The following SIRT5 variants were observed in gnomAD, a reference collection of about 807,000 sequenced individuals.
SIRT5 encodes sirtuin 5.
Under a neutral mutation model 40.0 loss-of-function variants are expected in SIRT5, and 26 were observed. That is an observed-to-expected ratio of 0.65 (90% CI 0.48 to 0.90). The LOEUF is 0.90. Among genes scored for constraint, SIRT5 ranks in the 40% least tolerant of loss-of-function variants. The pLI is 0.00. For synonymous variants in SIRT5, 146 were observed against 149.1 expected, an observed-to-expected ratio of 0.98 and a Z score of 0.15; for missense variants, 401 against 402.4, an observed-to-expected ratio of 1.00 and a Z score of 0.03.
intron 2 of SIRT5, among the ~76,000 whole-genome samples, chr6:13,580,442 C>A (rs1171339485): frequency 6.6e-6 from 1 of 152,058 alleles, no homozygotes; most frequent in African/African-American, 2.4e-5. Context: ...TTTCTCTGCT[C>A]CCCCTTACTC....
intron 7 of SIRT5, 90 bp downstream of exon 7, chr6:13,597,106 A>G (rs1761657873): frequency 2.0e-6 from 2 of 993,756 alleles, no homozygotes; most frequent in Non-Finnish European, 3.0e-6. Flanking sequence ...GTATTTGGCA[A>G]GACGCCTCTT....
rs923340206 is a variant in SIRT5, at chr6:13,607,311, CTG to C, written c.858-4477_858-4476del. Among the ~76,000 whole-genome samples, 1 of 151,308 alleles carries C rather than the reference CTG, an allele frequency of 6.6e-6. No homozygotes were observed. Among genetic ancestry groups the C allele is most frequent in the African/African-American group, 2.4e-5 (1 of 41,226 alleles). On this transcript the variant is annotated intron_variant, in intron 9 of 9. Coordinates refer to ENST00000606117, the MANE Select transcript of SIRT5 (RefSeq NM_012241.5). This position sits in a 1 kb window ranked among gnomAD's most constrained non-coding sequence, Gnocchi z 4.0. ...ACAACTTCTGGTTTTTGATATTTGT[CTG>C]TTTTTTTTTTTTCTTTTAAAGGAGA...
intron 9 of SIRT5, chr6:13,605,298 G>A: frequency 1.2e-6 from 1 of 824,360 alleles, no homozygotes; most frequent in South Asian, 5.6e-5. Flanking sequence ...GCATTAGGAT[G>A]ACAGAGGTGA....
intron 3 of SIRT5, among the ~76,000 whole-genome samples, chr6:13,585,961 T>A (rs2127632134): frequency 6.6e-6 from 1 of 152,342 alleles, no homozygotes; most frequent in Admixed American, 6.5e-5. Flanking sequence ...GGTATCTCAC[T>A]GTGGTTTTGA....
At position 13,595,546 on chromosome 6, in the gene SIRT5, C is replaced by T. The variant is rs1761461785; in HGVS notation, c.545C>T (p.Pro182Leu). The change falls in exon 6 of 10, where the codon CCA (proline) becomes CTA (leucine). Residue 182 changes from proline (P) to leucine (L), a missense_variant. By Grantham distance (98) the Pro-to-Leu change is moderately conservative. Coordinates refer to ENST00000606117, the MANE Select transcript of SIRT5 (RefSeq NM_012241.5). ...GAGAATTACAAGAGTCCAATTTGTC[C>T]AGCTTTATCAGGAAAAGGGTAATTA... ...VAENYKSPIC[P>L]ALSGKGAPEP... The T allele has an allele frequency of 4.3e-6, 7 of 1,613,442 alleles. No individual in the cohort carries two copies. In the East Asian group the frequency reaches 1.6e-4, roughly 36 times the overall value.
At chr6:13,608,529 T>A (rs1264555920) in intron 9 of SIRT5, among the ~76,000 whole-genome samples, 1 of 150,418 alleles carries the variant, frequency 6.6e-6, no homozygotes, top group Middle Eastern at 3.5e-3. Flanking sequence ...GAAGTTGCAG[T>A]GAGCCAAGAT....
intron 3 of SIRT5, 71 bp downstream of exon 3, chr6:13,584,296 G>A: frequency 2.7e-6 from 3 of 1,102,460 alleles, no homozygotes; most frequent in East Asian, 2.4e-5. Context: ...ACTTCGAGAG[G>A]AATGTCTCTG....
chr6:13,581,843 G>A (rs1173486470), intron 2 of SIRT5, among the ~76,000 whole-genome samples: 2 of 152,120 alleles, frequency 1.3e-5, no homozygotes, highest in Non-Finnish European at 2.9e-5. Flanking sequence ...AACTGGGACC[G>A]AAACAGGAAC....
In SIRT5 at chr6:13,588,404, A is replaced by G. The variant is rs148592882; in HGVS notation, c.189A>G (p.Ala63=). 8.1e-6 allele frequency: 13 copies of G among 1,614,148 alleles called. No homozygotes were observed. Among genetic ancestry groups the G allele is most frequent in the Non-Finnish European group, 1.1e-5 (13 of 1,180,060 alleles). ...IVIISGAGVS[A]ESGVPTFRGA... ...TCATCTCAGGAGCTGGTGTTAGTGC[A>G]GAAAGTGGTGTTCCGACCTTCAGAG... Residue 63 remains alanine (A), a synonymous_variant, in exon 4 of 10, where the codon GCA becomes GCG. Transcript: ENST00000606117.
intron 1 of SIRT5, among the ~76,000 whole-genome samples, chr6:13,578,483 G>T (rs987939988): frequency 2.0e-5 from 3 of 151,904 alleles, no homozygotes; most frequent in Non-Finnish European, 4.4e-5. Context: ...AGCCGGGCGT[G>T]GTGTCGGTTG....
At chr6:13,608,599 AAGAG>A (rs1174963713) in intron 9 of SIRT5, among the ~76,000 whole-genome samples, 48 of 151,830 alleles carry the variant, frequency 3.2e-4, no homozygotes, top group Admixed American at 7.2e-4. Flanking sequence ...AAAAAAAAAA[AAGAG>A]AGAGAGAAAG....
At chr6:13,609,372 T>TG (rs1190432389) in intron 9 of SIRT5, among the ~76,000 whole-genome samples, 2 of 151,942 alleles carry the variant, frequency 1.3e-5, no homozygotes, top group Non-Finnish European at 2.9e-5. Flanking sequence ...TTAAAGCAAT[T>TG]GGGGGGAGGG....
Position 13,599,156 on chromosome 6 carries a change from G to A in SIRT5, c.741+1G>A. 1 of 1,613,620 alleles carries A rather than the reference G, an allele frequency of 6.2e-7. No homozygotes were observed. The highest frequency in any genetic ancestry group is 8.5e-7 in the Non-Finnish European group (1 of 1,179,760). On this transcript the variant is annotated splice_donor_variant, in intron 8 of 9. Coordinates refer to ENST00000606117, the MANE Select transcript of SIRT5 (RefSeq NM_012241.5). LOFTEE classifies it high-confidence loss of function. Reference sequence around the variant, plus strand: ...CGCCCACTGTGATTTATGTCTAGTGGTGGGTCATGCCCTTCCCTAACCCCA... The same window carrying A: ...CGCCCACTGTGATTTATGTCTAGTGATGGGTCATGCCCTTCCCTAACCCCA...
intron 2 of SIRT5, among the ~76,000 whole-genome samples, chr6:13,583,609 A>G (rs1169930708): frequency 6.6e-6 from 1 of 152,190 alleles, no homozygotes; most frequent in African/African-American, 2.4e-5. Flanking sequence ...CCTTTTGAAA[A>G]GCAGCAAGTT....
At chr6:13,600,224 T>C (rs1006962287) in intron 8 of SIRT5, among the ~76,000 whole-genome samples, 1 of 152,246 alleles carries the variant, frequency 6.6e-6, no homozygotes, top group African/African-American at 2.4e-5. Flanking sequence ...CACTTTCTTG[T>C]GGTGCGTATT....
Position 13,595,480 on chromosome 6 carries a change from G to A in SIRT5, c.479G>A (p.Ser160Asn), listed in dbSNP as rs1181455025. ...TTGCTTCATATGTATTTTTCAGGTA[G>A]CTTATTTAAAACTCGATGTACCTCT... ...GTKNLLEIHG[S>N]LFKTRCTSCG... Residue 160 changes from serine (S) to asparagine (N), a missense_variant, in exon 6 of 10, where the codon AGC (serine) becomes AAC (asparagine). Physicochemically the swap from Ser to Asn is conservative, Grantham distance 46 (BLOSUM62 1). Coordinates refer to ENST00000606117, the MANE Select transcript of SIRT5 (RefSeq NM_012241.5). 4 of 1,613,088 alleles carry A rather than the reference G, an allele frequency of 2.5e-6. No individual in the cohort carries two copies. The highest frequency in any genetic ancestry group is 2.2e-5 in the East Asian group (1 of 44,874).
At chr6:13,574,367 T>C (rs1758285394), upstream of SIRT5, among the ~76,000 whole-genome samples, 1 of 151,764 alleles carries the variant, frequency 6.6e-6, no homozygotes, top group Admixed American at 6.6e-5. Flanking sequence ...GGCTCCGGCT[T>C]CGAGGTCCCG....
chr6:13,580,015 A>T (rs1759127428), intron 2 of SIRT5, among the ~76,000 whole-genome samples: 1 of 152,184 alleles, frequency 6.6e-6, no homozygotes, highest in African/African-American at 2.4e-5. Flanking sequence ...CACTGGAGTG[A>T]TATTCATGTT....
chr6:13,578,547 G>T (rs1403526030), intron 1 of SIRT5, among the ~76,000 whole-genome samples: 1 of 150,774 alleles, frequency 6.6e-6, no homozygotes, highest in African/African-American at 2.4e-5. Context: ...AACCCGGGAG[G>T]TGGAGCTTGC....
Sources: gnomAD v4.1 joint callset for allele counts (sites outside exome capture counted in the v4.1 genomes callset) on GRCh38, gnomAD v4.1.1 for gene constraint, Gnocchi (gnomAD v3.1) non-coding constraint, MANE v1.5 for transcripts, NCBI Gene and HGNC (gene_info 2026-07-23, HGNC 2026-07-21) for gene names.